The following CRLF3 variants were observed in gnomAD, a reference collection of about 807,000 sequenced individuals.
The protein encoded by CRLF3 is cytokine receptor-like factor 3.
A neutral mutation model predicts 55.0 loss-of-function variants in CRLF3; 33 were observed. The ratio of observed to expected loss-of-function variants is 0.60; its 90% CI spans 0.46 to 0.80. The LOEUF (loss-of-function observed/expected upper bound fraction) is 0.80, where lower values mean the gene tolerates loss of function less well. CRLF3 is among the 30% of genes least tolerant of loss of function. CRLF3 has a pLI of 0.00. For missense variants in CRLF3, 494 were observed against 538.4 expected, an observed-to-expected ratio of 0.92 and a Z score of 0.82; for synonymous variants, 238 against 196.8, an observed-to-expected ratio of 1.21 and a Z score of -1.75.
intron 1 of CRLF3, among the ~76,000 whole-genome samples, chr17:30,815,084 CTTTT>C (rs541526248): frequency 4.5e-4 from 48 of 107,488 alleles, no homozygotes; most frequent in African/African-American, 1.5e-3. Flanking sequence ...TTCTTTCTTT[CTTTT>C]TTTTTTTTTT....
intron 1 of CRLF3, among the ~76,000 whole-genome samples, chr17:30,809,025 G>A (rs1904525514): frequency 6.6e-6 from 1 of 152,210 alleles, no homozygotes. Context: ...GTTGAGCACT[G>A]TGCCTCTGAG....
intron 5 of CRLF3, 28 bp from the exon 6 acceptor site, chr17:30,792,600 T>C: frequency 6.3e-7 from 1 of 1,582,150 alleles, no homozygotes. Context: ...TATTGAAAAC[T>C]GTTAGAATCT....
Position 30,788,599 on chromosome 17 carries a change from C to CTTTTTTTTTTTTTTTTT in CRLF3, c.960-2585_960-2569dup, listed in dbSNP as rs1159336036. 7.5e-5 allele frequency among the ~76,000 whole-genome samples: 6 copies of CTTTTTTTTTTTTTTTTT among 80,038 alleles called. 1 individual carries two copies. The highest frequency in any genetic ancestry group is 3.5e-4 in the African/African-American group (6 of 17,232). The allele number at this position is 80,038 out of a possible 152,430, so 52.5% of individuals were successfully genotyped here. A position where few individuals can be genotyped will look rare whatever the true frequency, so the allele number is the denominator to read the frequency against. ...GGGATAAATAACAAAGTAGTGCCTT[C>CTTTTTTTTTTTTTTTTT]TTTTTTTTTTTTTTTTTTTTTTTTT... On this transcript the variant is annotated intron_variant, in intron 6 of 7. Coordinates refer to ENST00000324238, the MANE Select transcript of CRLF3 (RefSeq NM_015986.4).
chr17:30,790,558 A>G (rs1971769887), intron 6 of CRLF3: 1 of 150,084 alleles, frequency 6.7e-6, no homozygotes, highest in South Asian at 2.1e-4. Context: ...ACTTGCTGTT[A>G]ATGATTCACA....
intron 1 of CRLF3, among the ~76,000 whole-genome samples, chr17:30,812,027 G>A (rs1294155579): frequency 1.3e-5 from 2 of 151,688 alleles, no homozygotes; most frequent in Non-Finnish European, 2.9e-5. Flanking sequence ...GGAGAATGGC[G>A]TGAGCGGGGG....
chr17:30,786,542 G>A (rs1178807788), intron 6 of CRLF3: 1 of 151,982 alleles, frequency 6.6e-6, no homozygotes, highest in Non-Finnish European at 1.5e-5. Flanking sequence ...CAGCCGGTAG[G>A]TGCTATTTTT....
At chr17:30,823,343 C>A (rs1263327972) in intron 1 of CRLF3, among the ~76,000 whole-genome samples, 1 of 151,296 alleles carries the variant, frequency 6.6e-6, no homozygotes, top group Non-Finnish European at 1.5e-5. Flanking sequence ...CCACCCTGAG[C>A]GACACAGCCA....
chr17:30,791,795 T>C (rs1000000348), intron 6 of CRLF3, among the ~76,000 whole-genome samples: 3 of 151,958 alleles, frequency 2.0e-5, no homozygotes, highest in Non-Finnish European at 4.4e-5. Flanking sequence ...GGATTACAAG[T>C]GTGAGCCACC....
In CRLF3 at chr17:30,824,665, C is replaced by A. The variant is rs1181914299; in HGVS notation, c.-14G>T. 6.3e-7 allele frequency: 1 copy of A among 1,585,058 alleles called. No homozygotes were observed. Among genetic ancestry groups the A allele is most frequent in the South Asian group, 1.1e-5 (1 of 88,946 alleles). On this transcript the variant is annotated 5_prime_UTR_variant, in exon 1 of 8. Coordinates refer to ENST00000324238, the MANE Select transcript of CRLF3 (RefSeq NM_015986.4). ...CGCCCCCCTCATCTGGCCGCGCGGC[C>A]GGCGAAACCTAGCGCGGGTTCCCGA...
In CRLF3 at chr17:30,793,090, T is replaced by C. The variant is rs933227792; in HGVS notation, c.826+360A>G. Reference sequence around the variant, plus strand: ...AGGATCTAGAGGTCAGGCTGCATGATTGCACCACCACACACCAGCCTGGGC... The same window carrying C: ...AGGATCTAGAGGTCAGGCTGCATGACTGCACCACCACACACCAGCCTGGGC... On this transcript the variant is annotated intron_variant, in intron 5 of 7. Coordinates refer to ENST00000324238, the MANE Select transcript of CRLF3 (RefSeq NM_015986.4). Among the ~76,000 whole-genome samples, 32 of 151,164 alleles carry C rather than the reference T, an allele frequency of 2.1e-4. 1 individual carries two copies. The highest frequency in any genetic ancestry group is 1.2e-3 in the Admixed American group (18 of 15,128).
At chr17:30,784,512 T>C (rs1380458264) in intron 7 of CRLF3, 69 bp from the exon 8 acceptor site, 4 of 1,343,194 alleles carry the variant, frequency 3.0e-6, no homozygotes, top group Non-Finnish European at 4.2e-6. Context: ...AGTTTCTAGA[T>C]TACTGGTAAC....
At chr17:30,800,219 C>T (rs145267532) in intron 2 of CRLF3, among the ~76,000 whole-genome samples, 1 of 152,280 alleles carries the variant, frequency 6.6e-6, no homozygotes, top group African/African-American at 2.4e-5. Context: ...TGACCCTTAG[C>T]GTTCTAATCT....
chr17:30,795,691 T>A (rs1971904595), intron 4 of CRLF3, among the ~76,000 whole-genome samples: 1 of 151,408 alleles, frequency 6.6e-6, no homozygotes, highest in African/African-American at 2.4e-5. Flanking sequence ...ATCCCAGCAC[T>A]TTGGGTGGCC....
chr17:30,810,987 G>T (rs1164664300), intron 1 of CRLF3, among the ~76,000 whole-genome samples: 1 of 151,942 alleles, frequency 6.6e-6, no homozygotes, highest in African/African-American at 2.4e-5. Flanking sequence ...TGCTTGGGAG[G>T]CTAAAGTGAC....
chr17:30,795,495 T>TC (rs1971900062), intron 4 of CRLF3, among the ~76,000 whole-genome samples: 1 of 96,816 alleles, frequency 1.0e-5, no homozygotes, highest in Non-Finnish European at 2.1e-5. Flanking sequence ...AAACTCTGTC[T>TC]CAAAAAAAAA....
chr17:30,813,962 T>TA (rs1475968013), intron 1 of CRLF3, among the ~76,000 whole-genome samples: 5 of 151,952 alleles, frequency 3.3e-5, no homozygotes, highest in African/African-American at 4.8e-5. Flanking sequence ...CCCTCAATAA[T>TA]AAAAAAAGGC....
At chr17:30,802,548 G>A (rs1457503755) in intron 2 of CRLF3, among the ~76,000 whole-genome samples, 3 of 151,118 alleles carry the variant, frequency 2.0e-5, no homozygotes, top group Non-Finnish European at 4.4e-5. Flanking sequence ...CTCCCGCCTC[G>A]GCCTCTTAAG....
chr17:30,792,305 A>C, intron 6 of CRLF3, 135 bp downstream of exon 6: 1 of 715,258 alleles, frequency 1.4e-6, no homozygotes. Flanking sequence ...ACAGGAAATA[A>C]AGAAGCCTTC....
intron 1 of CRLF3, among the ~76,000 whole-genome samples, chr17:30,817,904 CAA>C (rs924297403): frequency 0.012 from 758 of 61,332 alleles, 7 homozygotes; most frequent in African/African-American, 0.047. Context: ...GACTCCATCC[CAA>C]AAAAAAAAAA....
Sources: gnomAD v4.1 joint callset for allele counts (sites outside exome capture counted in the v4.1 genomes callset) on GRCh38, gnomAD v4.1.1 for gene constraint, MANE v1.5 for transcripts, NCBI Gene and HGNC (gene_info 2026-07-23, HGNC 2026-07-21) for gene names.